The following MOB1B variants were observed in gnomAD, a reference collection of about 807,000 sequenced individuals.
MOB1B encodes the protein MOB1 Mps One Binder homolog B.
Under a neutral mutation model 24.4 loss-of-function variants are expected in MOB1B, and 19 were observed. The ratio of observed to expected loss-of-function variants is 0.78; its 90% CI spans 0.54 to 1.14. The LOEUF (loss-of-function observed/expected upper bound fraction) is 1.14, where lower values mean the gene tolerates loss of function less well. Ranked by LOEUF, MOB1B falls within the 50% of genes most tolerant of loss-of-function variation. The probability of loss-of-function intolerance (pLI) is 0.00; values close to 1 mark genes in which losing one functional copy is unlikely to be tolerated. For missense variants in MOB1B, 243 were observed against 259.6 expected (o/e 0.94, Z 0.44); for synonymous variants, 76 against 82.1 (o/e 0.93, Z 0.40).
intron 1 of MOB1B, among the ~76,000 whole-genome samples, chr4:70,931,660 A>C (rs1736894247): frequency 6.6e-6 from 1 of 152,220 alleles, no homozygotes; most frequent in African/African-American, 2.4e-5. Flanking sequence ...CAACTGTATA[A>C]ATACATTCTG....
intron 1 of MOB1B, among the ~76,000 whole-genome samples, chr4:70,935,847 ATTTTTTTTTTT>A (rs11395356): frequency 2.0e-5 from 2 of 100,396 alleles, no homozygotes; most frequent in Admixed American, 1.3e-4. Context: ...TGGTACACTA[ATTTTTTTTTTT>A]TTTTTTTTTT....
At chr4:70,956,986 A>C (rs1266624329) in intron 1 of MOB1B, among the ~76,000 whole-genome samples, 4 of 152,054 alleles carry the variant, frequency 2.6e-5, no homozygotes, top group Non-Finnish European at 5.9e-5. Flanking sequence ...AGGGGTTGAG[A>C]ACTACTGGTT....
intron 2 of MOB1B, among the ~76,000 whole-genome samples, chr4:70,965,546 C>A (rs868200421): frequency 1.3e-5 from 2 of 150,878 alleles, no homozygotes; most frequent in Non-Finnish European, 1.5e-5. Context: ...GCCTGTAATC[C>A]CAGCACTTTC....
At chr4:70,939,773 T>C (rs571434970) in intron 1 of MOB1B, among the ~76,000 whole-genome samples, 1 of 152,336 alleles carries the variant, frequency 6.6e-6, no homozygotes, top group South Asian at 2.1e-4. Context: ...CATCAGCTCA[T>C]TGAGACCTCT....
intron 1 of MOB1B, among the ~76,000 whole-genome samples, chr4:70,939,121 C>G (rs1050659771): frequency 1.1e-4 from 17 of 152,138 alleles, no homozygotes; most frequent in African/African-American, 3.9e-4. Context: ...TGCAGTGATT[C>G]AACACAATAA....
chr4:70,927,134 G>GTAA (rs1275466441), intron 1 of MOB1B, among the ~76,000 whole-genome samples: 1 of 152,168 alleles, frequency 6.6e-6, no homozygotes, highest in East Asian at 1.9e-4. Context: ...GGCTAATGAT[G>GTAA]GTTAAAGACC....
chr4:70,974,787 G>A (rs914549781), intron 3 of MOB1B, among the ~76,000 whole-genome samples: 1 of 152,162 alleles, frequency 6.6e-6, no homozygotes, highest in South Asian at 2.1e-4. Context: ...AGGAGAAGTG[G>A]TTTTTAAGGA....
chr4:70,972,020 G>T (rs28712839), intron 3 of MOB1B, among the ~76,000 whole-genome samples: 28,110 of 137,074 alleles, frequency 0.21, 5,850 homozygotes, highest in African/African-American at 0.54. Context: ...TTTTTTTTTT[G>T]GGGAGAATCG....
intron 1 of MOB1B, among the ~76,000 whole-genome samples, chr4:70,913,026 G>C (rs895269883): frequency 1.3e-5 from 2 of 152,178 alleles, no homozygotes; most frequent in Non-Finnish European, 2.9e-5. Context: ...CCAAAGTGCC[G>C]GCATTACAGG....
rs1739332049 is a variant in MOB1B, at chr4:70,984,894, T to G, written c.*2837T>G. Reference sequence around the variant, plus strand: ...AGTTGCTGGTAGAGGTTTTGGAGGTTAATTTACCTTAAATTGGAAGACTTT... The same window carrying G: ...AGTTGCTGGTAGAGGTTTTGGAGGTGAATTTACCTTAAATTGGAAGACTTT... On this transcript the variant is annotated 3_prime_UTR_variant, in exon 6 of 6. Coordinates refer to ENST00000309395, the MANE Select transcript of MOB1B (RefSeq NM_173468.4). 1 of 152,216 alleles carries G rather than the reference T, an allele frequency of 6.6e-6. No homozygotes were observed. The highest frequency in any genetic ancestry group is 6.5e-5 in the Admixed American group (1 of 15,284). The allele number at this position is 152,216 out of a possible 1,614,324, so 9.4% of individuals were successfully genotyped here.
chr4:70,951,600 G>C (rs1737806636), intron 1 of MOB1B, among the ~76,000 whole-genome samples: 1 of 152,168 alleles, frequency 6.6e-6, no homozygotes, highest in African/African-American at 2.4e-5. Flanking sequence ...TCACATTCTA[G>C]TCAGCATTCC....
intron 1 of MOB1B, among the ~76,000 whole-genome samples, chr4:70,949,988 A>C (rs2148889364): frequency 3.3e-5 from 5 of 152,288 alleles, no homozygotes; most frequent in Admixed American, 3.3e-4. Flanking sequence ...TAAGAAAAAA[A>C]AGGTGCCTAT....
At chr4:70,947,896 A>G (rs1737651495) in intron 1 of MOB1B, among the ~76,000 whole-genome samples, 1 of 152,182 alleles carries the variant, frequency 6.6e-6, no homozygotes, top group Admixed American at 6.5e-5. Flanking sequence ...GCCGTGCACC[A>G]CTGTACCCAG....
intron 1 of MOB1B, among the ~76,000 whole-genome samples, chr4:70,943,718 C>T (rs1055678213): frequency 1.3e-5 from 2 of 152,180 alleles, no homozygotes; most frequent in South Asian, 4.1e-4. Context: ...TAGTAGAAGA[C>T]TATACGTGTA....
chr4:70,973,900 T>G (rs983055894), intron 3 of MOB1B, among the ~76,000 whole-genome samples: 1 of 152,210 alleles, frequency 6.6e-6, no homozygotes, highest in Admixed American at 6.5e-5. Context: ...AAGATAATTT[T>G]TATTGTTTAA....
intron 2 of MOB1B, among the ~76,000 whole-genome samples, chr4:70,964,924 C>T (rs748720090): frequency 3.3e-5 from 5 of 149,280 alleles, no homozygotes; most frequent in Non-Finnish European, 5.9e-5. Context: ...GAGTGAAACT[C>T]CGTCTCAAAA....
intron 1 of MOB1B, among the ~76,000 whole-genome samples, chr4:70,925,301 T>C (rs1736604907): frequency 6.6e-6 from 1 of 152,188 alleles, no homozygotes; most frequent in African/African-American, 2.4e-5. Flanking sequence ...GCTCCCACAG[T>C]GCTGGGATTA....
In MOB1B at chr4:70,914,794, C is replaced by T. The variant is rs534322412; in HGVS notation, c.14+12244C>T. Among the ~76,000 whole-genome samples, 21 of 152,326 alleles carry T rather than the reference C, an allele frequency of 1.4e-4. No homozygotes were observed. The South Asian group carries it at 4.3e-3, about 32-fold the overall frequency. Reference sequence around the variant, plus strand: ...ACTACAGCTGTTCTCTTGACCCTGTCTGGCCACCCTCTCTGGCCTGGGCCC... The same window carrying T: ...ACTACAGCTGTTCTCTTGACCCTGTTTGGCCACCCTCTCTGGCCTGGGCCC... On this transcript the variant is annotated intron_variant, in intron 1 of 5. Coordinates refer to ENST00000309395, the MANE Select transcript of MOB1B (RefSeq NM_173468.4).
At chr4:70,910,094 G>C (rs1262703510) in intron 1 of MOB1B, among the ~76,000 whole-genome samples, 2 of 151,608 alleles carry the variant, frequency 1.3e-5, no homozygotes, top group Non-Finnish European at 2.9e-5. Flanking sequence ...AGACTGCAGT[G>C]TAGTGGCGCT....
Sources: gnomAD v4.1 joint callset for allele counts (sites outside exome capture counted in the v4.1 genomes callset) on GRCh38, gnomAD v4.1.1 for gene constraint, MANE v1.5 for transcripts, NCBI Gene and HGNC (gene_info 2026-07-23, HGNC 2026-07-21) for gene names.